JARID2: variants seen among roughly 807,000 people sequenced by gnomAD.
JARID2 encodes jumonji and AT-rich interaction domain containing 2.
JARID2 carries 21 observed loss-of-function variants against 125.6 expected under a neutral mutation model. That is an observed-to-expected ratio of 0.17 (90% CI 0.12 to 0.24). The LOEUF (loss-of-function observed/expected upper bound fraction) is 0.24, where lower values mean the gene tolerates loss of function less well. Among genes scored for constraint, JARID2 ranks in the 10% least tolerant of loss-of-function variants. JARID2 has a pLI of 1.00. For missense variants in JARID2, 1,303 were observed against 1,639.6 expected, an observed-to-expected ratio of 0.79 and a Z score of 3.55; for synonymous variants, 736 against 661.6, an observed-to-expected ratio of 1.11 and a Z score of -1.73.
chr6:15,517,786 C>T (rs1431879635), intron 17 of JARID2, among the ~76,000 whole-genome samples: 1 of 152,230 alleles, frequency 6.6e-6, no homozygotes, highest in African/African-American at 2.4e-5. Context: ...GCCTGTGCAG[C>T]TGGGGGCCGC....
chr6:15,468,675 C>G lies in JARID2; in HGVS notation c.627C>G (p.Thr209=). 6.2e-7 allele frequency: 1 copy of G among 1,613,708 alleles called. No homozygotes were observed. The highest frequency in any genetic ancestry group is 1.3e-5 in the African/African-American group (1 of 74,954). ...ATGCTTCATCTTCATGCCAGTCGACCCCCAGGAAAGGAAAAACCCACAAAC... is the reference window on the plus strand; with the variant it reads ...ATGCTTCATCTTCATGCCAGTCGACGCCCAGGAAAGGAAAAACCCACAAAC... ...TNNASSSCQS[T]PRKGKTHKHV... The change falls in exon 5 of 18, where the codon ACC becomes ACG. Residue 209 remains threonine, a synonymous_variant. Transcript: ENST00000341776.
chr6:15,511,474 A>G lies in JARID2; in HGVS notation c.2952+73A>G, dbSNP rs1443063984. 4.9e-6 allele frequency: 5 copies of G among 1,026,468 alleles called. No homozygotes were observed. In the Admixed American group the frequency reaches 8.7e-5, roughly 18 times the overall value. The allele number at this position is 1,026,468 out of a possible 1,614,324, so 63.6% of individuals were successfully genotyped here. On this transcript the variant is annotated intron_variant, in intron 13 of 17. Transcript: ENST00000341776. ...AGGCACTTGAACATGGTTTCCCATG[A>G]ACCCGCCTTTCAAAGGCAATGAGGA...
rs768624592 is a variant in JARID2 at position 15,501,314 on chromosome 6, G to A, written c.2353G>A (p.Gly785Ser). 6.2e-7 allele frequency: 1 copy of A among 1,610,628 alleles called. No homozygotes were observed. Among genetic ancestry groups the A allele is most frequent in the South Asian group, 1.1e-5 (1 of 90,946 alleles). ...KEVGQAQLKT[G>S]RRRLFAQEKE... is the part of the protein sequence containing the mutation. ...GGTGGGCCAGGCCCAGTTGAAGACT[G>A]GCCGGCGGCGACTCTTCGCTCAGGA... The change falls in exon 8 of 18, where the codon GGC (glycine) becomes AGC (serine). Residue 785 changes from glycine (G) to serine (S), a missense_variant. Physicochemically the swap from Gly to Ser is moderately conservative, Grantham distance 56. Coordinates refer to ENST00000341776, the MANE Select transcript of JARID2 (RefSeq NM_004973.4).
At chr6:15,303,598 C>T (rs1761709391) in intron 1 of JARID2, among the ~76,000 whole-genome samples, 1 of 152,230 alleles carries the variant, frequency 6.6e-6, no homozygotes, top group Admixed American at 6.5e-5. Flanking sequence ...CACCTCTTTG[C>T]CCAGCCAAAT....
At chr6:15,480,809 C>T (rs1581624173) in intron 5 of JARID2, among the ~76,000 whole-genome samples, 1 of 152,202 alleles carries the variant, frequency 6.6e-6, no homozygotes, top group South Asian at 2.1e-4. Context: ...GTGAGCAGAA[C>T]TAGACATCAA....
At chr6:15,262,352 A>G (rs1759915911) in intron 1 of JARID2, among the ~76,000 whole-genome samples, 1 of 152,030 alleles carries the variant, frequency 6.6e-6, no homozygotes, top group African/African-American at 2.4e-5. Flanking sequence ...ATGGAATCAT[A>G]TAATATGTGG....
intron 2 of JARID2, among the ~76,000 whole-genome samples, chr6:15,391,577 T>C (rs1480851544): frequency 1.3e-5 from 2 of 152,238 alleles, no homozygotes; most frequent in Non-Finnish European, 2.9e-5. Context: ...TTTTTAGAAA[T>C]GATAAAGGCT....
At chr6:15,450,581 C>CT (rs1412461227) in intron 3 of JARID2, among the ~76,000 whole-genome samples, 2 of 152,126 alleles carry the variant, frequency 1.3e-5, no homozygotes, top group Non-Finnish European at 2.9e-5. Context: ...GTGGCTGTTT[C>CT]TTGGTTCTTT....
At chr6:15,453,602 C>T (rs969737919) in intron 4 of JARID2, among the ~76,000 whole-genome samples, 5 of 152,214 alleles carry the variant, frequency 3.3e-5, no homozygotes, top group African/African-American at 4.8e-5. Context: ...TTCTTTGAAA[C>T]TAGTACATAC....
intron 1 of JARID2, among the ~76,000 whole-genome samples, chr6:15,352,779 T>C (rs1763473644): frequency 1.3e-5 from 2 of 152,180 alleles, no homozygotes; most frequent in South Asian, 4.1e-4. Flanking sequence ...CTAAATTCAC[T>C]GTAAATAATG....
At chr6:15,376,505 C>T (rs564302677) in intron 2 of JARID2, among the ~76,000 whole-genome samples, 1 of 152,104 alleles carries the variant, frequency 6.6e-6, no homozygotes, top group Non-Finnish European at 1.5e-5. Context: ...TGCTGGAGCC[C>T]AGGAGTTCGA....
At chr6:15,292,029 G>C (rs1581377539) in intron 1 of JARID2, among the ~76,000 whole-genome samples, 1 of 152,000 alleles carries the variant, frequency 6.6e-6, no homozygotes, top group East Asian at 1.9e-4. Flanking sequence ...TGTGTGATTA[G>C]GCTTTTTTTT....
chr6:15,326,918 A>C (rs534537190), intron 1 of JARID2, among the ~76,000 whole-genome samples: 1 of 152,364 alleles, frequency 6.6e-6, no homozygotes, highest in East Asian at 1.9e-4. Context: ...TTTTCAAATA[A>C]GGTCTATACA....
intron 1 of JARID2, among the ~76,000 whole-genome samples, chr6:15,267,126 T>A (rs1212042984): frequency 6.6e-6 from 1 of 152,204 alleles, no homozygotes; most frequent in Non-Finnish European, 1.5e-5. Context: ...AACAGTTAAG[T>A]TGTCTTCTTT....
At chr6:15,485,120 T>TAGG (rs1408939457) in intron 5 of JARID2, among the ~76,000 whole-genome samples, 1 of 152,248 alleles carries the variant, frequency 6.6e-6, no homozygotes, top group African/African-American at 2.4e-5. Flanking sequence ...TTTTCTGTGT[T>TAGG]AACTGAGAGT....
At chr6:15,368,609 T>TGA (rs1764057099) in intron 1 of JARID2, 1 of 426,124 alleles carries the variant, frequency 2.3e-6, no homozygotes, top group South Asian at 1.7e-5. Flanking sequence ...GAGAAGGGTT[T>TGA]GAGAGACCGT....
intron 1 of JARID2, among the ~76,000 whole-genome samples, chr6:15,251,477 T>C (rs907823796): frequency 6.6e-6 from 1 of 152,182 alleles, no homozygotes; most frequent in Admixed American, 6.5e-5. Context: ...ACTAACCACC[T>C]TTTGTCTACC....
chr6:15,300,602 A>G (rs943385862), intron 1 of JARID2, among the ~76,000 whole-genome samples: 2 of 151,636 alleles, frequency 1.3e-5, no homozygotes, highest in South Asian at 2.1e-4. Context: ...TTTGGAGTCT[A>G]TCTGTTTCGA....
intron 2 of JARID2, among the ~76,000 whole-genome samples, chr6:15,379,741 A>T (rs1337200279): frequency 6.6e-6 from 1 of 152,184 alleles, no homozygotes; most frequent in Non-Finnish European, 1.5e-5. Context: ...TAATCTTCAG[A>T]ACAAGCAATT....
Sources: gnomAD v4.1 joint callset for allele counts (sites outside exome capture counted in the v4.1 genomes callset) on GRCh38, gnomAD v4.1.1 for gene constraint, MANE v1.5 for transcripts, NCBI Gene and HGNC (gene_info 2026-07-23, HGNC 2026-07-21) for gene names.